LRRIQ1: variants seen among roughly 807,000 people sequenced by gnomAD.
The protein encoded by LRRIQ1 is leucine-rich repeat- and IQ domain-containing protein 1.
In LRRIQ1, 210 loss-of-function variants were observed where a neutral mutation model predicts 211.9. The observed-to-expected ratio is 0.99, with a 90% CI of 0.89 to 1.11. The LOEUF is 1.11. Ranked by LOEUF, LRRIQ1 falls within the 50% of genes most tolerant of loss-of-function variation. The pLI is 0.00. For synonymous variants in LRRIQ1, 699 were observed against 650.1 expected, an observed-to-expected ratio of 1.08 and a Z score of -1.14; for missense variants, 2,136 against 1,939.5, an observed-to-expected ratio of 1.10 and a Z score of -1.90.
At position 85,154,865 on chromosome 12, in the gene LRRIQ1, A is replaced by G. The variant is rs61539171; in HGVS notation, c.4720+771A>G. On this transcript the variant is annotated intron_variant, in intron 23 of 26. Transcript: ENST00000393217. ...TGTTAGTAAAAAGTTTCCAAAAAAG[A>G]CCAGTTACTCATGAGCAGTGCAATA... Among the ~76,000 whole-genome samples, 1,997 of 151,318 alleles carry G rather than the reference A, an allele frequency of 0.013. 110 individuals are homozygous for G. The East Asian group carries it at 0.2, about 15-fold the overall frequency.
chr12:85,097,896 A>T, intron 11 of LRRIQ1, among the ~76,000 whole-genome samples: 1 of 152,300 alleles, frequency 6.6e-6, no homozygotes, highest in East Asian at 1.9e-4. Flanking sequence ...ATATTGAAAT[A>T]CCTGAAGAAT....
At chr12:85,192,855 A>G (rs1279439010) in intron 24 of LRRIQ1, among the ~76,000 whole-genome samples, 1 of 102,948 alleles carries the variant, frequency 9.7e-6, no homozygotes, top group Non-Finnish European at 1.7e-5. Flanking sequence ...ATATAAATAT[A>G]TATAGTTATA....
At chr12:85,267,181 G>C (rs995671174), downstream of LRRIQ1, among the ~76,000 whole-genome samples, 1 of 152,054 alleles carries the variant, frequency 6.6e-6, no homozygotes, top group African/African-American at 2.4e-5. Context: ...GATAGATCTA[G>C]ATCAGCATTG....
At chr12:85,232,654 C>A (rs1159262470) in intron 25 of LRRIQ1, 42 bp from the exon 26 acceptor site, 9 of 1,522,722 alleles carry the variant, frequency 5.9e-6, no homozygotes, top group South Asian at 1.1e-5. Flanking sequence ...GCTTCCTCTA[C>A]ATTTACATTA....
chr12:85,263,722 T>C (rs1011839976), exon 2 of LRRIQ1: 1 of 152,046 alleles, frequency 6.6e-6, no homozygotes, highest in Non-Finnish European at 1.5e-5. Flanking sequence ...TTGGTTCATT[T>C]ACATTATTAT....
At chr12:85,197,584 A>G in intron 24 of LRRIQ1, among the ~76,000 whole-genome samples, 1 of 151,252 alleles carries the variant, frequency 6.6e-6, no homozygotes, top group Non-Finnish European at 1.5e-5. Flanking sequence ...AAGAACAAAA[A>G]ACCAAACACC....
intron 11 of LRRIQ1, among the ~76,000 whole-genome samples, chr12:85,085,341 A>G (rs959179892): frequency 2.0e-5 from 3 of 152,196 alleles, no homozygotes; most frequent in African/African-American, 7.2e-5. Context: ...GATCTCATGA[A>G]AACTCACTCA....
intron 24 of LRRIQ1, among the ~76,000 whole-genome samples, chr12:85,186,299 A>G (rs1301603305): frequency 6.6e-6 from 1 of 152,166 alleles, no homozygotes; most frequent in African/African-American, 2.4e-5. Flanking sequence ...TGTTCAGATG[A>G]CAGTTCTTAA....
chr12:85,087,401 CAT>C (rs1239848495), intron 11 of LRRIQ1, among the ~76,000 whole-genome samples: 2 of 152,156 alleles, frequency 1.3e-5, no homozygotes, highest in East Asian at 1.9e-4. Flanking sequence ...CCGCAATAAA[CAT>C]ATGTGTGCAT....
At chr12:85,146,933 C>G (rs934221804) in intron 19 of LRRIQ1, among the ~76,000 whole-genome samples, 1 of 151,738 alleles carries the variant, frequency 6.6e-6, no homozygotes, top group African/African-American at 2.4e-5. Flanking sequence ...TCTATATTAC[C>G]TTCCATGCAT....
chr12:85,109,781 C>T (rs571319527), intron 15 of LRRIQ1, among the ~76,000 whole-genome samples: 1 of 152,134 alleles, frequency 6.6e-6, no homozygotes, highest in Non-Finnish European at 1.5e-5. Context: ...CATTTTAAAA[C>T]AAGGATATTC....
rs570350555 is a variant in LRRIQ1, at chr12:85,098,618, A to G, written c.3081+70A>G. 28 of 1,249,186 alleles carry G rather than the reference A, an allele frequency of 2.2e-5. 1 individual carries two copies. In the South Asian group the frequency reaches 2.9e-4, roughly 13 times the overall value. 77.4% of individuals were successfully genotyped at this position (1,249,186 alleles called of 1,614,324 possible). ...TTCTTTTGATAGAAATACCAATCAC[A>G]TATTAAAAGCAATTTTGAATAATTA... On this transcript the variant is annotated intron_variant, in intron 12 of 26. Coordinates refer to ENST00000393217, the MANE Select transcript of LRRIQ1 (RefSeq NM_001079910.2).
chr12:85,056,754 G>A lies in LRRIQ1; in HGVS notation c.1961G>A (p.Gly654Asp), dbSNP rs1447390268. The A allele has an allele frequency of 6.2e-7, 1 of 1,604,940 alleles. No individual in the cohort carries two copies. Among genetic ancestry groups the A allele is most frequent in the South Asian group, 1.1e-5 (1 of 88,586 alleles). ...CCAAAAGACAATGCTTGGAATAGTG[G>A]CATTGTGATTTTTAACACAACTGAT... ...ENPKDNAWNS[G>D]IVIFNTTDTM... The change falls in exon 8 of 27, where the codon GGC (glycine) becomes GAC (aspartate). Residue 654 changes from glycine to aspartate, a missense_variant. Transcript: ENST00000393217.
At chr12:85,152,233 A>G (rs1255145973) in intron 19 of LRRIQ1, 47 bp from the exon 20 acceptor site, 1 of 1,490,074 alleles carries the variant, frequency 6.7e-7, no homozygotes, top group Admixed American at 1.9e-5. Flanking sequence ...AAACATTGTA[A>G]AAGTTATGTA....
At chr12:85,106,910 A>G (rs1316645119) in intron 15 of LRRIQ1, among the ~76,000 whole-genome samples, 1 of 152,126 alleles carries the variant, frequency 6.6e-6, no homozygotes, top group Admixed American at 6.6e-5. Flanking sequence ...TATAGAAAAT[A>G]TATTTGTTGA....
At chr12:85,199,141 T>G (rs1893166088) in intron 24 of LRRIQ1, among the ~76,000 whole-genome samples, 1 of 152,110 alleles carries the variant, frequency 6.6e-6, no homozygotes, top group Non-Finnish European at 1.5e-5. Flanking sequence ...TAAGTATTTG[T>G]TTTTGTTGCA....
chr12:85,146,707 T>C (rs759874769), intron 19 of LRRIQ1, among the ~76,000 whole-genome samples: 10 of 151,850 alleles, frequency 6.6e-5, no homozygotes, highest in African/African-American at 2.2e-4. Context: ...CTAATCATTC[T>C]GTATTAACAC....
At chr12:85,227,299 A>T (rs1894710366) in intron 24 of LRRIQ1, among the ~76,000 whole-genome samples, 1 of 151,814 alleles carries the variant, frequency 6.6e-6, no homozygotes, top group Non-Finnish European at 1.5e-5. Context: ...ATATACTGTA[A>T]GTTTTAGGGT....
intron 25 of LRRIQ1, among the ~76,000 whole-genome samples, chr12:85,231,111 G>A (rs1313190968): frequency 6.6e-6 from 1 of 151,858 alleles, no homozygotes; most frequent in Non-Finnish European, 1.5e-5. Context: ...TCCAGGCATT[G>A]TGGGTAGTAA....
Sources: gnomAD v4.1 joint callset for allele counts (sites outside exome capture counted in the v4.1 genomes callset) on GRCh38, gnomAD v4.1.1 for gene constraint, MANE v1.5 for transcripts, NCBI Gene and HGNC (gene_info 2026-07-23, HGNC 2026-07-21) for gene names.